NTM: variants seen among roughly 807,000 people sequenced by gnomAD.
NTM encodes the protein neurotrimin.
NTM carries 13 observed loss-of-function variants against 42.1 expected under a neutral mutation model. That is an observed-to-expected ratio of 0.31 (90% confidence interval 0.20 to 0.49). The LOEUF (loss-of-function observed/expected upper bound fraction) is 0.49, where lower values mean the gene tolerates loss of function less well. Among genes scored for constraint, NTM ranks in the 20% least tolerant of loss-of-function variants. NTM has a pLI of 0.99. For missense variants in NTM, 373 were observed against 452.8 expected (o/e 0.82, Z 1.60); for synonymous variants, 187 against 179.2 (o/e 1.04, Z -0.35).
At chr11:131,536,118 G>A (rs1021667355) in intron 1 of NTM, 1 of 152,202 alleles carries the variant, frequency 6.6e-6, no homozygotes. Context: ...ATAGGCAAAT[G>A]GGTACTTGCA....
intron 1 of NTM, among the ~76,000 whole-genome samples, chr11:131,630,908 T>C (rs775618122): frequency 6.6e-6 from 1 of 152,244 alleles, no homozygotes; most frequent in Non-Finnish European, 1.5e-5. Context: ...GTCTTTGTGA[T>C]ATTATTCTTG....
chr11:131,800,677 C>T (rs1377552397), intron 1 of NTM, among the ~76,000 whole-genome samples: 1 of 152,132 alleles, frequency 6.6e-6, no homozygotes, highest in Non-Finnish European at 1.5e-5. Context: ...TAGCAATTGC[C>T]TAGGTGTTCC....
chr11:131,396,963 G>T (rs545289641), intron 1 of NTM, among the ~76,000 whole-genome samples: 1 of 151,992 alleles, frequency 6.6e-6, no homozygotes, highest in African/African-American at 2.4e-5. Context: ...TTTTTAAGAC[G>T]CCATGATCTA....
chr11:132,123,092 TC>T (rs2065108474), intron 2 of NTM, among the ~76,000 whole-genome samples: 2 of 152,300 alleles, frequency 1.3e-5, no homozygotes, highest in East Asian at 3.9e-4. Context: ...CTTCTCTGCA[TC>T]TCACTCCCCC....
chr11:132,150,982 A>G (rs1258475540), intron 3 of NTM, among the ~76,000 whole-genome samples: 3 of 152,240 alleles, frequency 2.0e-5, no homozygotes, highest in Non-Finnish European at 4.4e-5. Flanking sequence ...TGTCCTGAAC[A>G]TAATCTTTTT....
intron 2 of NTM, among the ~76,000 whole-genome samples, chr11:132,086,981 G>T (rs1173004198): frequency 2.0e-5 from 3 of 152,154 alleles, no homozygotes; most frequent in Non-Finnish European, 2.9e-5. Context: ...TCTTCCAAAG[G>T]AGCCTCAGAG....
At chr11:131,660,398 G>T in intron 1 of NTM, 1 of 449,848 alleles carries the variant, frequency 2.2e-6, no homozygotes, top group Non-Finnish European at 4.5e-6. Flanking sequence ...GGGTGAGGGA[G>T]GGAGAGAGGA....
At chr11:132,012,610 T>A (rs1406397686) in intron 2 of NTM, among the ~76,000 whole-genome samples, 1 of 152,214 alleles carries the variant, frequency 6.6e-6, no homozygotes, top group East Asian at 1.9e-4. Flanking sequence ...AGGACCTTAT[T>A]TGCCAAAAAT....
At position 131,841,161 on chromosome 11, in the gene NTM, T is replaced by C. The variant is rs115015477; in HGVS notation, c.83-70403T>C. On this transcript the variant is annotated intron_variant, in intron 1 of 8. Coordinates refer to ENST00000683400, the MANE Select transcript of NTM (RefSeq NM_001352005.2). ...TAGGATGTTGTTCCTCTCCTCAAAG[T>C]CCTGCAGGGAGAGAGACTGAAATAT... Among the ~76,000 whole-genome samples, 439 of 152,324 alleles carry C rather than the reference T, an allele frequency of 2.9e-3. 1 individual carries two copies. Among genetic ancestry groups the C allele is most frequent in the African/African-American group, 1.0e-2 (415 of 41,560 alleles).
At chr11:131,753,048 AAAAC>A (rs200386116) in intron 1 of NTM, among the ~76,000 whole-genome samples, 68,587 of 150,636 alleles carry the variant, frequency 0.46, 15,588 homozygotes, top group Admixed American at 0.51. Flanking sequence ...TTACAAGAAA[AAAAC>A]AAACAACCCC....
chr11:132,170,984 C>G (rs1439661428), intron 3 of NTM, among the ~76,000 whole-genome samples: 1 of 152,140 alleles, frequency 6.6e-6, no homozygotes, highest in African/African-American at 2.4e-5. Flanking sequence ...TGTCTTTGTA[C>G]TCAGCTCATT....
At chr11:132,144,093 C>G (rs1242765398) in intron 2 of NTM, among the ~76,000 whole-genome samples, 2 of 152,172 alleles carry the variant, frequency 1.3e-5, no homozygotes, top group Admixed American at 1.3e-4. Flanking sequence ...CTGATGAGCT[C>G]CCACCCAAGT....
intron 3 of NTM, among the ~76,000 whole-genome samples, chr11:132,183,434 A>G (rs2077884958): frequency 6.6e-6 from 1 of 152,136 alleles, no homozygotes; most frequent in South Asian, 2.1e-4. Flanking sequence ...GGGAAGACAC[A>G]GTCGGTCATT....
chr11:132,314,726 G>C (rs1417620829), intron 7 of NTM, 23 bp downstream of exon 7: 1 of 1,601,058 alleles, frequency 6.2e-7, no homozygotes, highest in South Asian at 1.1e-5. Flanking sequence ...TCTGAGCTGG[G>C]CAAGAAGAGG....
intron 1 of NTM, among the ~76,000 whole-genome samples, chr11:131,586,464 G>T (rs779669900): frequency 6.6e-6 from 1 of 152,174 alleles, no homozygotes; most frequent in Non-Finnish European, 1.5e-5. Flanking sequence ...CTGCCATGTT[G>T]TGAGGAAGCC....
At chr11:131,883,505 G>GA (rs11427026) in intron 1 of NTM, among the ~76,000 whole-genome samples, 70,591 of 151,934 alleles carry the variant, frequency 0.46, 17,298 homozygotes, top group East Asian at 0.82. Context: ...GAGGGAGAGA[G>GA]AAAAAACAGC....
intron 1 of NTM, among the ~76,000 whole-genome samples, chr11:131,850,830 G>A (rs1330163296): frequency 6.6e-6 from 1 of 152,194 alleles, no homozygotes; most frequent in Non-Finnish European, 1.5e-5. Context: ...GGGCTGAGGC[G>A]AGGGCACTGA....
chr11:132,052,915 T>A (rs894340758), intron 2 of NTM, among the ~76,000 whole-genome samples: 1 of 152,098 alleles, frequency 6.6e-6, no homozygotes, highest in Non-Finnish European at 1.5e-5. Context: ...TCTCATGGTG[T>A]CTCTTGTCAC....
intron 2 of NTM, among the ~76,000 whole-genome samples, chr11:132,050,665 C>T (rs542413549): frequency 1.3e-5 from 2 of 152,202 alleles, no homozygotes; most frequent in East Asian, 3.9e-4. Flanking sequence ...CTGGAAGCTC[C>T]ATGAGGATGA....
Sources: gnomAD v4.1 joint callset for allele counts (sites outside exome capture counted in the v4.1 genomes callset) on GRCh38, gnomAD v4.1.1 for gene constraint, MANE v1.5 for transcripts, NCBI Gene and HGNC (gene_info 2026-07-23, HGNC 2026-07-21) for gene names.